The following ABCB7 variants were observed in gnomAD, a reference collection of about 807,000 sequenced individuals.
ABCB7 encodes the protein ATP binding cassette subfamily B member 7.
A neutral mutation model predicts 54.4 loss-of-function variants in ABCB7; 7 were observed. That is an observed-to-expected ratio of 0.13 (90% confidence interval 0.07 to 0.24). ABCB7 has a LOEUF of 0.24. ABCB7 is among the 10% of genes least tolerant of loss of function. ABCB7 has a pLI of 1.00. For missense variants in ABCB7, 356 were observed against 570.4 expected (o/e 0.62, Z 3.83); for synonymous variants, 218 against 207.1 (o/e 1.05, Z -0.45).
chrX:75,128,659 C>A (rs943458943), intron 1 of ABCB7, among the ~76,000 whole-genome samples: 5 of 111,430 alleles, frequency 4.5e-5, no homozygotes, highest in Non-Finnish European at 9.4e-5. Context: ...GAACAGGCAA[C>A]CTAAAGAACA....
intron 1 of ABCB7, among the ~76,000 whole-genome samples, chrX:75,118,042 T>G (rs1330832981): frequency 1.2e-4 from 13 of 112,646 alleles, no homozygotes; most frequent in Admixed American, 3.7e-4. Flanking sequence ...CTTTGTGCTA[T>G]GAATTTGTCT....
rs190558366 is a variant in ABCB7 at position 75,079,546 on chromosome X, A to T, written c.454-2892T>A. On this transcript the variant is annotated intron_variant, in intron 4 of 15. Coordinates refer to ENST00000373394, the MANE Select transcript of ABCB7 (RefSeq NM_001271696.3). ...ATGAGACTCATAGCTGCAAAACAGT[A>T]CGTAGTACAAAGAGACCCACGTACC... is the stretch of plus-strand genomic sequence containing the variant. Among the ~76,000 whole-genome samples, 365 of 111,857 alleles carry T rather than the reference A, an allele frequency of 3.3e-3. 2 individuals are homozygous for T. Among genetic ancestry groups the T allele is most frequent in the African/African-American group, 0.011 (348 of 30,754 alleles).
chrX:75,060,437 C>T, intron 14 of ABCB7, 107 bp from the exon 15 acceptor site: 1 of 619,089 alleles, frequency 1.6e-6, no homozygotes, highest in Non-Finnish European at 2.6e-6. Flanking sequence ...TAAAAAATGC[C>T]AGTTTTTTTT....
chrX:75,074,828 G>C (rs2081393109), intron 6 of ABCB7, among the ~76,000 whole-genome samples: 1 of 110,652 alleles, frequency 9.0e-6, no homozygotes, highest in African/African-American at 3.3e-5. Context: ...TGGACACTGG[G>C]GCCTATTGAG....
chrX:75,134,206 A>G (rs2081993806), intron 1 of ABCB7, among the ~76,000 whole-genome samples: 1 of 111,858 alleles, frequency 8.9e-6, no homozygotes, highest in African/African-American at 3.3e-5. Context: ...CTGACTTTAA[A>G]CCAACAACAA....
chrX:75,105,031 C>T (rs766642340), intron 3 of ABCB7, among the ~76,000 whole-genome samples: 2 of 111,304 alleles, frequency 1.8e-5, no homozygotes, highest in East Asian at 5.7e-4. Context: ...AAATACACCT[C>T]AAAATAATCA....
chrX:75,155,318 G>C (rs2082165588), intron 1 of ABCB7, among the ~76,000 whole-genome samples: 3 of 112,712 alleles, frequency 2.7e-5, no homozygotes, highest in Admixed American at 9.4e-5. Flanking sequence ...TAAATACGTG[G>C]TGGCAATTAA....
At chrX:75,074,725 G>A (rs938401643) in intron 6 of ABCB7, among the ~76,000 whole-genome samples, 2 of 111,588 alleles carry the variant, frequency 1.8e-5, no homozygotes, top group Non-Finnish European at 3.8e-5. Context: ...TATCTTAAGT[G>A]AATTAACTCA....
chrX:75,092,986 C>T (rs1007782999), intron 4 of ABCB7, among the ~76,000 whole-genome samples: 6 of 111,734 alleles, frequency 5.4e-5, no homozygotes, highest in African/African-American at 1.9e-4. Flanking sequence ...GGTATACCAA[C>T]TATAAAAGGT....
At chrX:75,137,276 G>A (rs1447326495) in intron 1 of ABCB7, among the ~76,000 whole-genome samples, 1 of 112,067 alleles carries the variant, frequency 8.9e-6, no homozygotes, top group South Asian at 3.7e-4. Flanking sequence ...GCATATTAAC[G>A]AATACTCAAC....
chrX:75,067,554 G>C (rs1220587436), intron 12 of ABCB7, among the ~76,000 whole-genome samples: 4 of 110,090 alleles, frequency 3.6e-5, no homozygotes, highest in Non-Finnish European at 7.6e-5. Context: ...GCGCGATCTC[G>C]GCTCACTGCA....
intron 1 of ABCB7, among the ~76,000 whole-genome samples, chrX:75,121,205 C>T (rs1340875103): frequency 1.9e-5 from 2 of 107,870 alleles, no homozygotes; most frequent in East Asian, 5.9e-4. Flanking sequence ...AGGAGAATCA[C>T]TTTAACCCAG....
intron 15 of ABCB7, among the ~76,000 whole-genome samples, chrX:75,058,559 C>T (rs998059987): frequency 2.7e-5 from 3 of 111,703 alleles, no homozygotes; most frequent in Admixed American, 1.9e-4. Context: ...ATTAGTTTCA[C>T]TAGAAAATGA....
intron 12 of ABCB7, among the ~76,000 whole-genome samples, chrX:75,068,380 T>C (rs1450290432): frequency 1.8e-5 from 2 of 111,879 alleles, no homozygotes; most frequent in Non-Finnish European, 3.8e-5. Flanking sequence ...TATAAGGCTA[T>C]CTACTTCTTA....
intron 3 of ABCB7, 115 bp downstream of exon 3, chrX:75,112,771 C>T: frequency 1.8e-6 from 1 of 543,752 alleles, no homozygotes; most frequent in Non-Finnish European, 3.2e-6. Context: ...CATTAGAGAA[C>T]ATGCAGTTAG....
chrX:75,070,579 T>A, intron 9 of ABCB7, 57 bp from the exon 10 acceptor site: 1 of 1,097,578 alleles, frequency 9.1e-7, no homozygotes, highest in Non-Finnish European at 1.3e-6. Flanking sequence ...ACTTTTCCAA[T>A]TTACGATAGG....
chrX:75,123,082 G>T (rs1429200944), intron 1 of ABCB7, among the ~76,000 whole-genome samples: 1 of 110,871 alleles, frequency 9.0e-6, no homozygotes, highest in Admixed American at 9.7e-5. Context: ...TGAGCTTTTG[G>T]TGTCATATCC....
At chrX:75,060,492 A>G (rs1229890715) in intron 14 of ABCB7, among the ~76,000 whole-genome samples, 162 bp from the exon 15 acceptor site, 1 of 111,958 alleles carries the variant, frequency 8.9e-6, no homozygotes, top group Admixed American at 9.5e-5. Flanking sequence ...ACCTAATCTA[A>G]TATCTGCTAA....
chrX:75,144,096 T>G (rs1369590990), intron 1 of ABCB7, among the ~76,000 whole-genome samples: 3 of 111,544 alleles, frequency 2.7e-5, no homozygotes, highest in Non-Finnish European at 5.6e-5. Flanking sequence ...ATGCAGGCAC[T>G]TATCACTTCT....
Sources: gnomAD v4.1 joint callset for allele counts (sites outside exome capture counted in the v4.1 genomes callset) on GRCh38, gnomAD v4.1.1 for gene constraint, MANE v1.5 for transcripts, NCBI Gene and HGNC (gene_info 2026-07-23, HGNC 2026-07-21) for gene names.